The following PHF2 variants were observed in gnomAD, a reference collection of about 807,000 sequenced individuals.
The protein encoded by PHF2 is lysine-specific demethylase PHF2.
Under a neutral mutation model 120.5 loss-of-function variants are expected in PHF2, and 27 were observed. That is an observed-to-expected ratio of 0.22 (90% CI 0.17 to 0.31). PHF2 has a LOEUF of 0.31. Among genes scored for constraint, PHF2 ranks in the 10% least tolerant of loss-of-function variants. PHF2 has a pLI of 1.00. For missense variants in PHF2, 1,024 were observed against 1,434.8 expected (o/e 0.71, Z 4.63); for synonymous variants, 568 against 592.5 (o/e 0.96, Z 0.60).
intron 1 of PHF2, among the ~76,000 whole-genome samples, chr9:93,590,804 C>T (rs890226904): frequency 4.6e-5 from 7 of 152,244 alleles, no homozygotes; most frequent in Non-Finnish European, 1.0e-4. Context: ...GGCTGGTCCT[C>T]ACGTCTCCTC....
rs1826545988 is a variant in PHF2, at chr9:93,660,532, C to G, written c.1670C>G (p.Thr557Ser). ...GAAGCCCACACCAAGGAGGCACTGA[C>G]CAAGATGGAGCCGCCCAAGAAGGGC... is the stretch of plus-strand genomic sequence containing the variant. ...LLEAHTKEAL[T>S]KMEPPKKGKA... Residue 557 changes from threonine (T) to serine (S), a missense_variant, in exon 12 of 22, where the codon ACC becomes AGC. By Grantham distance (58) the Thr-to-Ser change is moderately conservative (BLOSUM62 1). Coordinates refer to ENST00000359246, the MANE Select transcript of PHF2 (RefSeq NM_005392.4). 6.3e-7 allele frequency: 1 copy of G among 1,584,190 alleles called. No homozygotes were observed.
At chr9:93,618,984 C>G (rs1471090704) in intron 1 of PHF2, among the ~76,000 whole-genome samples, 6 of 21,812 alleles carry the variant, frequency 2.8e-4, no homozygotes, top group African/African-American at 9.6e-4. Context: ...TTGTTCACTT[C>G]CCTGTGGGTC....
In PHF2 at chr9:93,660,241, A is replaced by G; in HGVS notation, c.1379A>G (p.Asp460Gly). 1 of 1,601,078 alleles carries G rather than the reference A, an allele frequency of 6.2e-7. No individual in the cohort carries two copies. Among genetic ancestry groups the G allele is most frequent in the Non-Finnish European group, 8.5e-7 (1 of 1,176,018 alleles). ...RPEVNTVASS[D>G]EVCDGDREKE... ...GAAGTGAATACTGTCGCCTCGTCAG[A>G]TGAGGTGTGTGACGGGGACCGGGAG... The change falls in exon 12 of 22, where the codon GAT (aspartate) becomes GGT (glycine). Residue 460 changes from aspartate (D) to glycine (G), a missense_variant. By Grantham distance (94) the Asp-to-Gly change is moderately conservative (BLOSUM62 -1). This residue lies in a region of PHF2 where 677 missense variants were observed against 857.4 expected (regional missense o/e 0.79). Transcript: ENST00000359246.
chr9:93,649,357 C>A, intron 5 of PHF2, 145 bp downstream of exon 5: 1 of 327,202 alleles, frequency 3.1e-6, no homozygotes, highest in Non-Finnish European at 5.3e-6. Flanking sequence ...TACTGTTTCT[C>A]TCTTTTAAAT....
intron 1 of PHF2, among the ~76,000 whole-genome samples, chr9:93,625,468 CTTTTTTT>C (rs905164226): frequency 2.0e-4 from 19 of 94,714 alleles, no homozygotes; most frequent in South Asian, 3.3e-4. Context: ...GTTTGAGTAC[CTTTTTTT>C]TTTTTTTTTT....
chr9:93,619,517 T>C (rs534784964), intron 1 of PHF2, among the ~76,000 whole-genome samples: 8 of 152,324 alleles, frequency 5.3e-5, no homozygotes, highest in African/African-American at 1.9e-4. Context: ...TTCACCAGGC[T>C]GGTGCTCAGA....
At chr9:93,590,465 T>C (rs1825193911) in intron 1 of PHF2, among the ~76,000 whole-genome samples, 1 of 152,204 alleles carries the variant, frequency 6.6e-6, no homozygotes, top group Admixed American at 6.5e-5. Flanking sequence ...CCAGGGCAGG[T>C]GCTTCCTGGA....
In PHF2 at chr9:93,655,996, A is replaced by G; in HGVS notation, c.1015A>G (p.Ser339Gly). ...CLAFAGHFLHSLSVEMQMRAY... is the reference protein window; with the variant it reads ...CLAFAGHFLHGLSVEMQMRAY... The stretch of plus-strand genomic sequence containing the variant: ...GGCCTTCGCGGGACATTTCCTCCAC[A>G]GCCTGAGTGTGGAGATGCAGATGAG... Residue 339 changes from serine to glycine, a missense_variant, in exon 8 of 22, where the codon AGC becomes GGC. Ser to Gly is a moderately conservative substitution (Grantham distance 56). Around this residue, in one of 2 missense-constraint regions of PHF2, gnomAD observed 347 missense variants for 577.4 expected, o/e 0.60. Transcript: ENST00000359246. 6.2e-7 allele frequency: 1 copy of G among 1,612,740 alleles called. No individual in the cohort carries two copies. The highest frequency in any genetic ancestry group is 8.5e-7 in the Non-Finnish European group (1 of 1,179,706).
intron 19 of PHF2, 110 bp downstream of exon 19, chr9:93,675,132 C>T: frequency 1.1e-6 from 1 of 872,132 alleles, no homozygotes; most frequent in South Asian, 1.5e-5. Context: ...CTGCACCTGT[C>T]CTATCCTGAG....
intron 1 of PHF2, among the ~76,000 whole-genome samples, chr9:93,594,212 A>G (rs1225054003): frequency 3.0e-5 from 4 of 135,520 alleles, no homozygotes; most frequent in African/African-American, 5.5e-5. Context: ...TTAATGCACA[A>G]TGCACATTAG....
At position 93,653,287 on chromosome 9, in the gene PHF2, C is replaced by T. The variant is rs1054218316; in HGVS notation, c.711C>T (p.Cys237=). ...CCAAGCCCAAAGTGACCAAGTACTG[C>T]CTAATCTGCGTGAAGGACAGTTACA... ...LLAKPKVTKY[C]LICVKDSYTD... The change falls in exon 6 of 22, where the codon TGC becomes TGT. Residue 237 remains cysteine (C), a synonymous_variant. Transcript: ENST00000359246. 1.9e-6 allele frequency: 3 copies of T among 1,614,022 alleles called. No individual in the cohort carries two copies. The highest frequency in any genetic ancestry group is 2.5e-6 in the Non-Finnish European group (3 of 1,180,034).
At chr9:93,651,516 A>G (rs73522296) in intron 5 of PHF2, among the ~76,000 whole-genome samples, 2,606 of 152,210 alleles carry the variant, frequency 0.017, 33 homozygotes, top group Middle Eastern at 0.044. Context: ...TCTGTCCCCA[A>G]GGATGTTGGC....
intron 14 of PHF2, 111 bp from the exon 15 acceptor site, chr9:93,665,575 T>C (rs1826660286): frequency 8.4e-7 from 1 of 1,189,152 alleles, no homozygotes; most frequent in Non-Finnish European, 1.2e-6. Context: ...GTCACCTGCC[T>C]CCTGGAGGCC....
intron 14 of PHF2, 147 bp downstream of exon 14, chr9:93,663,782 A>G: frequency 1.7e-6 from 1 of 580,758 alleles, no homozygotes. Flanking sequence ...CACACCACAC[A>G]CTGCATCACA....
At chr9:93,642,849 C>G (rs1826192347) in intron 3 of PHF2, among the ~76,000 whole-genome samples, 1 of 152,148 alleles carries the variant, frequency 6.6e-6, no homozygotes. Context: ...TTTCAGCCAT[C>G]TACTGTTTAG....
intron 4 of PHF2, among the ~76,000 whole-genome samples, chr9:93,647,131 G>A (rs1035652936): frequency 6.6e-6 from 1 of 152,218 alleles, no homozygotes; most frequent in African/African-American, 2.4e-5. Context: ...CAGCTGTAAT[G>A]TTCATGCTTG....
At chr9:93,675,644 C>T (rs1045407013) in intron 19 of PHF2, 36 bp from the exon 20 acceptor site, 3 of 1,547,612 alleles carry the variant, frequency 1.9e-6, no homozygotes, top group Non-Finnish European at 2.7e-6. Flanking sequence ...AGGCTGTGGC[C>T]TACAGCTTGA....
At chr9:93,587,856 C>T (rs1467478274) in intron 1 of PHF2, among the ~76,000 whole-genome samples, 2 of 152,130 alleles carry the variant, frequency 1.3e-5, no homozygotes, top group Admixed American at 1.3e-4. Context: ...TGCCCATTGG[C>T]CTCACTGACC....
chr9:93,613,314 G>C (rs561949544), intron 1 of PHF2, among the ~76,000 whole-genome samples: 2 of 152,220 alleles, frequency 1.3e-5, no homozygotes, highest in Non-Finnish European at 2.9e-5. Flanking sequence ...CAGGAAGGCA[G>C]CTCTGGGACT....
Sources: gnomAD v4.1 joint callset for allele counts (sites outside exome capture counted in the v4.1 genomes callset) on GRCh38, gnomAD v4.1.1 for gene constraint, gnomAD v4.1.1 regional missense constraint, MANE v1.5 for transcripts, NCBI Gene and HGNC (gene_info 2026-07-23, HGNC 2026-07-21) for gene names.